Variants in VRK2 observed in about 807,000 individuals in gnomAD.
VRK2 encodes VRK serine/threonine kinase 2.
VRK2 carries 60 observed loss-of-function variants against 57.6 expected under a neutral mutation model. The observed-to-expected ratio is 1.04, with a 90% CI of 0.85 to 1.29. The LOEUF (loss-of-function observed/expected upper bound fraction) is 1.29. Among genes scored for constraint, VRK2 ranks in the 50% most tolerant of loss-of-function variants. The pLI is 0.00. For synonymous variants in VRK2, 231 were observed against 199.2 expected (o/e 1.16, Z -1.35); for missense variants, 705 against 588.1 (o/e 1.20, Z -2.06).
rs191856280 is a variant in VRK2, at chr2:57,933,544, G to A, written c.-439+25705G>A. Among the ~76,000 whole-genome samples, 426 of 151,554 alleles carry A rather than the reference G, an allele frequency of 2.8e-3. 4 individuals carry two copies. Among genetic ancestry groups the A allele is most frequent in the African/African-American group, 9.6e-3 (396 of 41,336 alleles). On this transcript the variant is annotated intron_variant, in intron 1 of 15. Transcript: ENST00000417641. Reference sequence around the variant, plus strand: ...AGGATAGTCTCGATTTCTTGACCTCGTGATCCACCCACCTCGGCCTCCCAA... The same window carrying A: ...AGGATAGTCTCGATTTCTTGACCTCATGATCCACCCACCTCGGCCTCCCAA...
At chr2:57,982,625 T>C (rs1207391085) in intron 1 of VRK2, among the ~76,000 whole-genome samples, 3 of 152,072 alleles carry the variant, frequency 2.0e-5, no homozygotes, top group Admixed American at 6.5e-5. Flanking sequence ...GAGTGGCCAG[T>C]GGCAAGCTGA....
intron 1 of VRK2, among the ~76,000 whole-genome samples, chr2:57,953,202 GCT>G (rs2103981401): frequency 6.6e-6 from 1 of 152,262 alleles, no homozygotes; most frequent in Non-Finnish European, 1.5e-5. Context: ...GCTTTGACCT[GCT>G]TATAAAGGAG....
Position 58,159,677 on chromosome 2 carries a change from C to A in VRK2, c.1511C>A (p.Ala504Asp). 1 of 1,612,572 alleles carries A rather than the reference C, an allele frequency of 6.2e-7. No homozygotes were observed. Among genetic ancestry groups the A allele is most frequent in the Non-Finnish European group, 8.5e-7 (1 of 1,179,380 alleles). ...IPVLLMLVFL[A>D]LFFL The stretch of plus-strand genomic sequence containing the variant: ...GTCCTTTTGATGTTAGTATTTCTTG[C>A]TTTATTTTTTCTCTGAAGATGATAC... The change falls in exon 13 of 13, where the codon GCT becomes GAT. Residue 504 changes from alanine to aspartate, a missense_variant. By Grantham distance (126) the Ala-to-Asp change is moderately radical. Transcript: ENST00000340157.
intron 12 of VRK2, among the ~76,000 whole-genome samples, chr2:58,151,786 AG>A (rs1683117057): frequency 1.1e-5 from 1 of 88,342 alleles, no homozygotes; most frequent in African/African-American, 4.2e-5. Flanking sequence ...CTCTAGAGCA[AG>A]GGGTCAGTCA....
intron 8 of VRK2, among the ~76,000 whole-genome samples, chr2:58,124,382 C>A (rs746791090): frequency 4.6e-5 from 7 of 152,118 alleles, no homozygotes; most frequent in Non-Finnish European, 1.0e-4. Context: ...AAAGTCAATT[C>A]TAATGTTATG....
At chr2:58,158,488 G>A (rs965324315) in intron 12 of VRK2, among the ~76,000 whole-genome samples, 5 of 152,166 alleles carry the variant, frequency 3.3e-5, no homozygotes, top group Admixed American at 6.5e-5. Flanking sequence ...AAGGGTGGCA[G>A]TTTAAAGGTT....
At chr2:58,022,006 C>T (rs1272980426) in intron 1 of VRK2, among the ~76,000 whole-genome samples, 1 of 152,206 alleles carries the variant, frequency 6.6e-6, no homozygotes, top group East Asian at 1.9e-4. Flanking sequence ...TACCTTCATG[C>T]TATCCATATT....
chr2:58,017,900 C>A (rs577902483), intron 1 of VRK2: 1 of 152,132 alleles, frequency 6.6e-6, no homozygotes, highest in Non-Finnish European at 1.5e-5. Flanking sequence ...TTGATAATTA[C>A]GTGAAAATAT....
At chr2:58,141,205 A>G (rs780153693) in intron 11 of VRK2, among the ~76,000 whole-genome samples, 1 of 152,068 alleles carries the variant, frequency 6.6e-6, no homozygotes, top group Non-Finnish European at 1.5e-5. Flanking sequence ...TTTCGTTGCA[A>G]TAATGGTCAC....
At chr2:58,075,368 G>T (rs1669948554) in intron 2 of VRK2, among the ~76,000 whole-genome samples, 1 of 151,996 alleles carries the variant, frequency 6.6e-6, no homozygotes, top group Non-Finnish European at 1.5e-5. Flanking sequence ...GGGTCTTTTT[G>T]GTAAAGCAAT....
chr2:57,991,413 C>T (rs1347876793), intron 1 of VRK2, among the ~76,000 whole-genome samples: 1 of 150,994 alleles, frequency 6.6e-6, no homozygotes, highest in Non-Finnish European at 1.5e-5. Context: ...GAGGCACTGT[C>T]GTGAAGAATC....
chr2:58,027,846 C>T (rs1042053875), intron 2 of VRK2, among the ~76,000 whole-genome samples: 2 of 152,024 alleles, frequency 1.3e-5, no homozygotes, highest in Non-Finnish European at 2.9e-5. Flanking sequence ...CAAAGTCCAT[C>T]CCAAACAGAA....
chr2:57,954,836 A>C (rs1671534020), intron 1 of VRK2, among the ~76,000 whole-genome samples: 2 of 152,118 alleles, frequency 1.3e-5, no homozygotes, highest in African/African-American at 2.4e-5. Flanking sequence ...GCCTACTGAG[A>C]GTGCCACCAA....
intron 1 of VRK2, among the ~76,000 whole-genome samples, chr2:57,948,821 C>G (rs989822933): frequency 6.6e-6 from 1 of 151,948 alleles, no homozygotes; most frequent in South Asian, 2.1e-4. Context: ...AAAAGAGACA[C>G]AAAATGAGTA....
intron 2 of VRK2, among the ~76,000 whole-genome samples, chr2:58,053,890 T>G (rs563665536): frequency 6.6e-6 from 1 of 152,198 alleles, no homozygotes; most frequent in African/African-American, 2.4e-5. Flanking sequence ...AAAATGAGAA[T>G]AATTTGGACT....
At chr2:58,036,168 CT>C (rs947805686) in intron 3 of VRK2, among the ~76,000 whole-genome samples, 6 of 151,886 alleles carry the variant, frequency 4.0e-5, no homozygotes, top group African/African-American at 9.7e-5. Context: ...TTGTATGACA[CT>C]TTTTTCTCAC....
intron 2 of VRK2, among the ~76,000 whole-genome samples, chr2:58,054,848 G>A (rs1033405471): frequency 6.6e-6 from 1 of 152,114 alleles, no homozygotes; most frequent in Non-Finnish European, 1.5e-5. Flanking sequence ...ACACTCTGTT[G>A]TATTCTCCAT....
intron 1 of VRK2, among the ~76,000 whole-genome samples, chr2:57,933,012 T>A (rs1457208671): frequency 3.9e-5 from 6 of 152,144 alleles, no homozygotes; most frequent in African/African-American, 1.4e-4. Flanking sequence ...TTTCTAGTTT[T>A]GTATTTTTAT....
At chr2:58,148,249 G>A (rs1682464285) in intron 12 of VRK2, among the ~76,000 whole-genome samples, 1 of 151,728 alleles carries the variant, frequency 6.6e-6, no homozygotes, top group Admixed American at 6.6e-5. Context: ...GTGTATTATT[G>A]CGTTTCCAAT....
Sources: gnomAD v4.1 joint callset for allele counts (sites outside exome capture counted in the v4.1 genomes callset) on GRCh38, gnomAD v4.1.1 for gene constraint, MANE v1.5 for transcripts, NCBI Gene and HGNC (gene_info 2026-07-23, HGNC 2026-07-21) for gene names.